The following DCC variants were observed in gnomAD, a reference collection of about 807,000 sequenced individuals.
The protein encoded by DCC is DCC netrin 1 receptor.
Under a neutral mutation model 172.5 loss-of-function variants are expected in DCC, and 58 were observed. That is an observed-to-expected ratio of 0.34 (90% CI 0.27 to 0.42). DCC has a LOEUF of 0.42. DCC is among the 10% of genes least tolerant of loss of function. The pLI is 1.00. For missense variants in DCC, 1,740 were observed against 1,791.0 expected (o/e 0.97, Z 0.51); for synonymous variants, 709 against 644.5 (o/e 1.10, Z -1.52).
intron 1 of DCC, among the ~76,000 whole-genome samples, chr18:52,596,038 A>T (rs1476785031): frequency 6.6e-6 from 1 of 152,190 alleles, no homozygotes; most frequent in East Asian, 1.9e-4. Context: ...ACCTGTACAG[A>T]CTACAGCTTT....
chr18:53,250,887 A>G (rs1453982756), intron 12 of DCC, among the ~76,000 whole-genome samples: 3 of 151,402 alleles, frequency 2.0e-5, no homozygotes, highest in Admixed American at 1.3e-4. Context: ...CTGCTGCATC[A>G]TTTTCCTAAA....
At chr18:52,875,229 CTTTTT>C (rs34506336) in intron 2 of DCC, among the ~76,000 whole-genome samples, 2,479 of 148,626 alleles carry the variant, frequency 0.017, 51 homozygotes, top group African/African-American at 0.044. Flanking sequence ...AACAGCGAAA[CTTTTT>C]TTTTTTTCTG....
chr18:52,589,462 G>T (rs2033750612), intron 1 of DCC, among the ~76,000 whole-genome samples: 2 of 152,156 alleles, frequency 1.3e-5, no homozygotes, highest in African/African-American at 4.8e-5. Context: ...GATATTATCA[G>T]GGTAGATAAT....
intron 2 of DCC, among the ~76,000 whole-genome samples, chr18:52,834,638 T>C (rs1251272546): frequency 6.6e-6 from 1 of 152,162 alleles, no homozygotes; most frequent in Non-Finnish European, 1.5e-5. Context: ...TGTAAAAAAA[T>C]TTGAAAAATA....
intron 2 of DCC, among the ~76,000 whole-genome samples, chr18:52,781,762 T>G (rs17469388): frequency 0.57 from 86,895 of 151,958 alleles, 28,183 homozygotes; most frequent in East Asian, 0.87. Flanking sequence ...CAATATTCTA[T>G]TTTAGTCTTA....
At chr18:53,403,752 CAA>C (rs1909470533) in intron 19 of DCC, among the ~76,000 whole-genome samples, 1 of 151,992 alleles carries the variant, frequency 6.6e-6, no homozygotes, top group Non-Finnish European at 1.5e-5. Flanking sequence ...TATAAATTAA[CAA>C]AGTAATTCAG....
intron 1 of DCC, among the ~76,000 whole-genome samples, chr18:52,441,648 G>C (rs1987972247): frequency 6.6e-6 from 1 of 152,096 alleles, no homozygotes; most frequent in Non-Finnish European, 1.5e-5. Context: ...TGTGTCTATA[G>C]AGGTATTTTC....
intron 2 of DCC, among the ~76,000 whole-genome samples, chr18:52,855,423 G>A (rs2039036468): frequency 1.3e-5 from 2 of 152,150 alleles, no homozygotes; most frequent in Admixed American, 6.5e-5. Flanking sequence ...GCTTTATAAG[G>A]TTTTAAAATG....
At chr18:53,198,582 A>T (rs2055485767) in intron 9 of DCC, among the ~76,000 whole-genome samples, 1 of 152,160 alleles carries the variant, frequency 6.6e-6, no homozygotes, top group African/African-American at 2.4e-5. Context: ...ATATCCAATA[A>T]GATCTCATTA....
intron 9 of DCC, among the ~76,000 whole-genome samples, chr18:53,179,403 G>C (rs1304423584): frequency 6.6e-6 from 1 of 152,122 alleles, no homozygotes; most frequent in Non-Finnish European, 1.5e-5. Flanking sequence ...CTTCCTGACA[G>C]TATTTTATCC....
At chr18:52,825,676 G>A (rs943282176) in intron 2 of DCC, among the ~76,000 whole-genome samples, 1 of 130,812 alleles carries the variant, frequency 7.6e-6, no homozygotes, top group Admixed American at 7.6e-5. Flanking sequence ...GATCATAATT[G>A]TTTTGGTTTG....
intron 1 of DCC, among the ~76,000 whole-genome samples, chr18:52,406,681 C>T (rs936050725): frequency 6.6e-6 from 1 of 152,124 alleles, no homozygotes; most frequent in Non-Finnish European, 1.5e-5. Context: ...TCTGTTACAA[C>T]TTGTATGTTT....
intron 1 of DCC, among the ~76,000 whole-genome samples, chr18:52,533,125 T>G (rs763902709): frequency 3.9e-5 from 6 of 152,144 alleles, no homozygotes; most frequent in Non-Finnish European, 5.9e-5. Flanking sequence ...AGAGGTCATA[T>G]GTACCCTTTA....
At chr18:52,633,181 T>C (rs2034710271) in intron 1 of DCC, among the ~76,000 whole-genome samples, 1 of 151,954 alleles carries the variant, frequency 6.6e-6, no homozygotes, top group Non-Finnish European at 1.5e-5. Context: ...ATTGAAGGTC[T>C]GTCTATCTAA....
intron 21 of DCC, among the ~76,000 whole-genome samples, chr18:53,426,459 ATATT>A (rs1328299461): frequency 8.0e-6 from 1 of 125,088 alleles, no homozygotes. Context: ...TATGTAATAT[ATATT>A]TATTATATAT....
At chr18:53,196,750 C>T (rs9946770) in intron 9 of DCC, among the ~76,000 whole-genome samples, 6,753 of 152,008 alleles carry the variant, frequency 0.044, 187 homozygotes, top group East Asian at 0.11. Context: ...TACGTAATGG[C>T]GCAGTTTAGA....
intron 2 of DCC, among the ~76,000 whole-genome samples, chr18:52,845,600 CAG>C (rs1370784507): frequency 6.6e-6 from 1 of 152,204 alleles, no homozygotes; most frequent in African/African-American, 2.4e-5. Flanking sequence ...TGGGAGGCCT[CAG>C]GGATCATGCC....
chr18:52,590,158 G>GGTGT (rs4041438), intron 1 of DCC, among the ~76,000 whole-genome samples: 79 of 149,042 alleles, frequency 5.3e-4, no homozygotes, highest in African/African-American at 7.6e-4. Flanking sequence ...TGGTATAAAT[G>GGTGT]GTGTGTGTGT....
At chr18:53,022,544 C>T (rs9952835) in intron 5 of DCC, among the ~76,000 whole-genome samples, 42,283 of 85,630 alleles carry the variant, frequency 0.49, 7,356 homozygotes, top group African/African-American at 0.59. Context: ...TATATATGTG[C>T]GTGTGTGTGT....
Sources: allele counts gnomAD v4.1 joint callset (sites outside exome capture counted in the v4.1 genomes callset), GRCh38; gene constraint gnomAD v4.1.1; transcripts MANE v1.5; gene names NCBI Gene and HGNC (gene_info 2026-07-23, HGNC 2026-07-21).